The following CCND3 variants were observed in gnomAD, a reference collection of about 807,000 sequenced individuals.
CCND3 encodes cyclin D3, also known as G1/S-specific cyclin-D3.
CCND3 carries 9 observed loss-of-function variants against 28.7 expected under a neutral mutation model. The ratio of observed to expected loss-of-function variants is 0.31; its 90% confidence interval spans 0.19 to 0.55. The LOEUF is 0.55. CCND3 is among the 20% of genes least tolerant of loss of function. The pLI is 0.93. For missense variants in CCND3, 315 were observed against 385.8 expected, an observed-to-expected ratio of 0.82 and a Z score of 1.54; for synonymous variants, 164 against 163.9, an observed-to-expected ratio of 1.00 and a Z score of 0.00.
intron 1 of CCND3, among the ~76,000 whole-genome samples, chr6:41,964,342 ATG>A (rs763735256): frequency 4.8e-5 from 6 of 124,390 alleles, no homozygotes; most frequent in Non-Finnish European, 9.2e-5. Context: ...GTGTGTGTGA[ATG>A]TGTGTGAGTC....
At chr6:41,948,860 GAAAAAAA>G (rs1776236159) in intron 1 of CCND3, among the ~76,000 whole-genome samples, 6 of 147,810 alleles carry the variant, frequency 4.1e-5, no homozygotes, top group African/African-American at 1.5e-4. Context: ...AAAAAAAAAA[GAAAAAAA>G]GAAAAAAGAA....
At chr6:41,998,834 C>T (rs1430013312) in intron 1 of CCND3, among the ~76,000 whole-genome samples, 1 of 151,712 alleles carries the variant, frequency 6.6e-6, no homozygotes, top group Non-Finnish European at 1.5e-5. Context: ...CATGTGCCAC[C>T]ACACCTGGTT....
intron 1 of CCND3, among the ~76,000 whole-genome samples, chr6:41,964,509 TGTGTGA>T (rs1224335251): frequency 5.9e-5 from 9 of 151,960 alleles, no homozygotes. Context: ...AGTGTGTGTG[TGTGTGA>T]GTGTGTATGT....
At chr6:41,943,951 A>G (rs572063321), upstream of CCND3, among the ~76,000 whole-genome samples, 1 of 152,226 alleles carries the variant, frequency 6.6e-6, no homozygotes, top group East Asian at 1.9e-4. Flanking sequence ...AACCCTTTTC[A>G]TATTTTTTGT....
intron 1 of CCND3, 120 bp from the exon 2 acceptor site, chr6:41,940,705 TAG>T: frequency 2.6e-6 from 2 of 778,948 alleles, no homozygotes; most frequent in Non-Finnish European, 4.4e-6. Flanking sequence ...GTAAGCTACT[TAG>T]AGAGACAAGG....
At chr6:41,980,590 A>G (rs1443174398) in intron 1 of CCND3, among the ~76,000 whole-genome samples, 1 of 152,230 alleles carries the variant, frequency 6.6e-6, no homozygotes, top group East Asian at 1.9e-4. Flanking sequence ...GAAGAAAACT[A>G]TAGACCAATA....
intron 1 of CCND3, among the ~76,000 whole-genome samples, chr6:42,022,384 C>G (rs1317001845): frequency 1.3e-5 from 2 of 152,244 alleles, no homozygotes; most frequent in Admixed American, 6.5e-5. Context: ...CCTCTCAGCA[C>G]ACACAAAAAG....
chr6:42,021,922 G>C (rs1763722656), intron 1 of CCND3, among the ~76,000 whole-genome samples: 1 of 152,194 alleles, frequency 6.6e-6, no homozygotes, highest in African/African-American at 2.4e-5. Context: ...CAGTAATCCA[G>C]GTGGGTGCCC....
rs1775789077 is a variant in CCND3 at position 41,936,193 on chromosome 6, A to G, written c.712-86T>C. ...GCAGGGGAAGGACAGCTCCCAACACATGGGGAAGTCTGGGGAGGTTAGGCC... is the reference window on the plus strand; with the variant it reads ...GCAGGGGAAGGACAGCTCCCAACACGTGGGGAAGTCTGGGGAGGTTAGGCC... On this transcript the variant is annotated intron_variant, in intron 4 of 4. Coordinates refer to ENST00000372991, the MANE Select transcript of CCND3 (RefSeq NM_001760.5). This position sits in a 1 kb window ranked among gnomAD's most constrained non-coding sequence, Gnocchi z 4.4. 4.9e-6 allele frequency: 7 copies of G among 1,422,894 alleles called. No individual in the cohort carries two copies. The highest frequency in any genetic ancestry group is 4.6e-5 in the East Asian group (2 of 43,492). The allele number at this position is 1,422,894 out of a possible 1,614,324, so 88.1% of individuals were successfully genotyped here. A position where few individuals can be genotyped will look rare whatever the true frequency, so the allele number is the denominator to read the frequency against.
Position 41,952,730 on chromosome 6 carries a change from C to T in CCND3, c.-45-12145G>A, listed in dbSNP as rs115234615. ...GTGCTACAGTGGCAGAGCTGGGACT[C>T]CAACCAAGGCAATCAAATGCCAGAG... On this transcript the variant is annotated intron_variant, in intron 1 of 4. Transcript: ENST00000372988. Among the ~76,000 whole-genome samples, 318 of 152,234 alleles carry T rather than the reference C, an allele frequency of 2.1e-3. 4 individuals are homozygous for T. The highest frequency in any genetic ancestry group is 6.8e-3 in the Middle Eastern group (2 of 294).
intron 1 of CCND3, among the ~76,000 whole-genome samples, chr6:41,979,255 C>T (rs1160373461): frequency 2.0e-5 from 3 of 150,264 alleles, no homozygotes; most frequent in South Asian, 2.1e-4. Context: ...AAATAACGGC[C>T]GGGCACAGTG....
At chr6:42,010,743 T>A (rs567844923) in intron 1 of CCND3, 1 of 152,184 alleles carries the variant, frequency 6.6e-6, no homozygotes, top group Non-Finnish European at 1.5e-5. Context: ...AGGAGTCAGA[T>A]AGGTTGGGAC....
chr6:41,935,596 A>C lies in CCND3; in HGVS notation c.*344T>G, dbSNP rs2127388666. 1 of 468,572 alleles carries C rather than the reference A, an allele frequency of 2.1e-6. No individual in the cohort carries two copies. The highest frequency in any genetic ancestry group is 3.1e-5 in the East Asian group (1 of 32,734). The allele number at this position is 468,572 out of a possible 1,614,324, so 29.0% of individuals were successfully genotyped here. A position where few individuals can be genotyped will look rare whatever the true frequency, so the allele number is the denominator to read the frequency against. ...GGCACTAGAGCATTTTGGCAGTTGA[A>C]AACATGAGAGCCCCCAGGGGTGGGG... is the stretch of plus-strand genomic sequence containing the variant. On this transcript the variant is annotated 3_prime_UTR_variant, in exon 5 of 5. Transcript: ENST00000372991.
At chr6:42,000,768 T>C (rs1242419886) in intron 1 of CCND3, among the ~76,000 whole-genome samples, 1 of 142,044 alleles carries the variant, frequency 7.0e-6, no homozygotes, top group Non-Finnish European at 1.5e-5. Flanking sequence ...GGTTTCTCCA[T>C]GTTGGTCAGG....
At chr6:41,949,529 C>T (rs1776253043) in intron 1 of CCND3, among the ~76,000 whole-genome samples, 1 of 151,838 alleles carries the variant, frequency 6.6e-6, no homozygotes, top group African/African-American at 2.4e-5. Context: ...TTCCGCCAGG[C>T]GCAGTGGCTC....
At chr6:42,016,838 G>A (rs904889561) in intron 1 of CCND3, among the ~76,000 whole-genome samples, 2 of 152,076 alleles carry the variant, frequency 1.3e-5, no homozygotes, top group African/African-American at 4.8e-5. Flanking sequence ...AACCACCATG[G>A]CCTTCCAAAG....
At chr6:41,961,482 G>A (rs1453598128) in intron 1 of CCND3, among the ~76,000 whole-genome samples, 3 of 152,120 alleles carry the variant, frequency 2.0e-5, no homozygotes, top group Non-Finnish European at 4.4e-5. Flanking sequence ...TGGGAGAATC[G>A]CTTGAAGCCA....
At chr6:41,970,767 G>A (rs1165386900) in intron 1 of CCND3, among the ~76,000 whole-genome samples, 2 of 152,156 alleles carry the variant, frequency 1.3e-5, no homozygotes, top group Non-Finnish European at 2.9e-5. Flanking sequence ...CAGTGCCTGT[G>A]AGAAATAATG....
At chr6:42,034,857 G>A (rs1410771232) in intron 1 of CCND3, among the ~76,000 whole-genome samples, 1 of 152,040 alleles carries the variant, frequency 6.6e-6, no homozygotes, top group East Asian at 1.9e-4. Flanking sequence ...TGAGAATAAA[G>A]AACAGAGCAA....
Sources: allele counts gnomAD v4.1 joint callset (sites outside exome capture counted in the v4.1 genomes callset), GRCh38; gene constraint gnomAD v4.1.1; non-coding constraint Gnocchi (gnomAD v3.1); transcripts MANE v1.5; gene names NCBI Gene and HGNC (gene_info 2026-07-23, HGNC 2026-07-21).